HHAT: variants seen among roughly 807,000 people sequenced by gnomAD.
HHAT encodes protein-cysteine N-palmitoyltransferase HHAT.
HHAT carries 47 observed loss-of-function variants against 70.8 expected under a neutral mutation model. The ratio of observed to expected loss-of-function variants is 0.66; its 90% confidence interval spans 0.53 to 0.85. The LOEUF (loss-of-function observed/expected upper bound fraction) is 0.85, where lower values mean the gene tolerates loss of function less well. Among genes scored for constraint, HHAT ranks in the 40% least tolerant of loss-of-function variants. HHAT has a pLI of 0.00. For missense variants in HHAT, 609 were observed against 604.8 expected (o/e 1.01, Z -0.07); for synonymous variants, 228 against 247.6 (o/e 0.92, Z 0.74).
chr1:210,648,398 G>A (rs78103729), intron 11 of HHAT, among the ~76,000 whole-genome samples: 4 of 152,332 alleles, frequency 2.6e-5, no homozygotes, highest in African/African-American at 9.6e-5. Flanking sequence ...TCAGCTGACG[G>A]AGACTTGAAG....
intron 9 of HHAT, among the ~76,000 whole-genome samples, chr1:210,558,913 G>A (rs1480909198): frequency 6.6e-6 from 1 of 152,124 alleles, no homozygotes; most frequent in Non-Finnish European, 1.5e-5. Flanking sequence ...TAATGATGAG[G>A]TCCTGTCTGG....
At position 210,329,084 on chromosome 1, in the gene HHAT, G is replaced by A. The variant is rs1286287201; in HGVS notation, c.-64G>A. On this transcript the variant is annotated 5_prime_UTR_variant, in exon 1 of 12. Coordinates refer to ENST00000261458, the MANE Select transcript of HHAT (RefSeq NM_018194.6). ...GGCGCGCGTGAACGTTGCCGTCGCC[G>A]CCGCCCGGGACAGCCCGGAGGTTGG... is the stretch of plus-strand genomic sequence containing the variant. 7.0e-6 allele frequency: 10 copies of A among 1,419,658 alleles called. No individual in the cohort carries two copies. The highest frequency in any genetic ancestry group is 1.5e-5 in the African/African-American group (1 of 67,618). 87.9% of individuals were successfully genotyped at this position (1,419,658 alleles called of 1,614,324 possible). A position where few individuals can be genotyped will look rare whatever the true frequency, so the allele number is the denominator to read the frequency against.
chr1:210,608,264 G>A (rs1400490031), intron 10 of HHAT, among the ~76,000 whole-genome samples: 1 of 152,126 alleles, frequency 6.6e-6, no homozygotes, highest in Non-Finnish European at 1.5e-5. Context: ...TCAACTGATT[G>A]TTTTTGTATG....
At chr1:210,451,041 C>A (rs1288013529) in intron 7 of HHAT, among the ~76,000 whole-genome samples, 1 of 143,472 alleles carries the variant, frequency 7.0e-6, no homozygotes, top group Non-Finnish European at 1.5e-5. Flanking sequence ...GAGCCGAGAT[C>A]ATGCCACTGC....
At chr1:210,344,289 A>T (rs2006025) in intron 1 of HHAT, among the ~76,000 whole-genome samples, 5 of 48,608 alleles carry the variant, frequency 1.0e-4, no homozygotes, top group Non-Finnish European at 1.7e-4. Context: ...TCATTGAAAC[A>T]ATGTTATTGT....
At chr1:210,522,180 T>C (rs771366745) in intron 9 of HHAT, among the ~76,000 whole-genome samples, 2 of 152,210 alleles carry the variant, frequency 1.3e-5, no homozygotes, top group Non-Finnish European at 2.9e-5. Context: ...AAAGTGTGTG[T>C]CTTTGTGGCC....
chr1:210,360,366 A>C (rs565607124), intron 2 of HHAT, among the ~76,000 whole-genome samples: 1 of 150,884 alleles, frequency 6.6e-6, no homozygotes, highest in Admixed American at 6.6e-5. Flanking sequence ...GCTGGAGTGC[A>C]ATGGTATGAT....
intron 8 of HHAT, among the ~76,000 whole-genome samples, chr1:210,504,181 G>A (rs111804347): frequency 0.013 from 1,907 of 152,286 alleles, 35 homozygotes; most frequent in African/African-American, 0.043. Flanking sequence ...GTTCATTGCT[G>A]TATCCTAAGC....
chr1:210,443,771 T>A (rs183122810), intron 7 of HHAT, among the ~76,000 whole-genome samples: 774 of 11,828 alleles, frequency 0.065, 57 homozygotes, highest in Middle Eastern at 0.16. Context: ...TTTCTAGATA[T>A]ACAATCATGT....
chr1:210,581,499 GAGGTC>G lies in HHAT; in HGVS notation c.1044-6397_1044-6393del, dbSNP rs535589492. On this transcript the variant is annotated intron_variant, in intron 9 of 11. Coordinates refer to ENST00000261458, the MANE Select transcript of HHAT (RefSeq NM_018194.6). ...CTCAGGGCCCAGATGGAGCCAAGGT[GAGGTC>G]ACCTCACCACCAGTGTAACATGGAC... Among the ~76,000 whole-genome samples the G allele has an allele frequency of 2.7e-3, 418 of 152,334 alleles. 1 individual carries two copies. Among genetic ancestry groups the G allele is most frequent in the African/African-American group, 9.6e-3 (398 of 41,572 alleles).
intron 11 of HHAT, among the ~76,000 whole-genome samples, chr1:210,630,333 C>T (rs911758825): frequency 1.3e-5 from 2 of 152,144 alleles, no homozygotes; most frequent in African/African-American, 4.8e-5. Context: ...CTCAGCCTAC[C>T]GCAGCATGCT....
rs538527714 is a variant in HHAT, at chr1:210,675,882, G to A, written c.*1503G>A. The A allele has an allele frequency of 1.8e-4, 28 of 152,346 alleles. No homozygotes were observed. The highest frequency in any genetic ancestry group is 6.7e-4 in the African/African-American group (28 of 41,560). 9.4% of individuals were successfully genotyped at this position (152,346 alleles called of 1,614,324 possible). On this transcript the variant is annotated 3_prime_UTR_variant, in exon 12 of 12. Transcript: ENST00000261458. ...TGGTAAAGGAGAGAGAGAGACATGG[G>A]GCCAGTAATTCCGGGGTGCTCAGAA... is the stretch of plus-strand genomic sequence containing the variant.
intron 1 of HHAT, among the ~76,000 whole-genome samples, chr1:210,344,405 G>T (rs1379281372): frequency 6.6e-6 from 1 of 152,098 alleles, no homozygotes; most frequent in Non-Finnish European, 1.5e-5. Context: ...TGGGTACTTG[G>T]TTTCCTCCCA....
intron 1 of HHAT, among the ~76,000 whole-genome samples, chr1:210,346,442 A>C (rs897208742): frequency 1.3e-5 from 2 of 152,238 alleles, no homozygotes; most frequent in African/African-American, 4.8e-5. Context: ...TGTTATTCTA[A>C]AGATGAAAGT....
intron 6 of HHAT, among the ~76,000 whole-genome samples, chr1:210,407,292 C>T (rs559484204): frequency 9.2e-5 from 14 of 152,342 alleles, no homozygotes; most frequent in South Asian, 4.1e-4. Flanking sequence ...TGAATGCATG[C>T]ATGAAATGCC....
At chr1:210,626,264 C>T (rs1009978960) in intron 11 of HHAT, among the ~76,000 whole-genome samples, 1 of 152,188 alleles carries the variant, frequency 6.6e-6, no homozygotes. Context: ...GAGTTAACCT[C>T]AGTCACATGG....
At chr1:210,362,763 A>G (rs1357734831) in intron 2 of HHAT, 89 bp from the exon 3 acceptor site, 10 of 1,047,728 alleles carry the variant, frequency 9.5e-6, no homozygotes, top group Admixed American at 1.8e-5. Context: ...TTTCCAGGAC[A>G]TAGTCCAATT....
rs2095511096 is a variant in HHAT at position 210,549,506 on chromosome 1, T to C, written c.1043+36318T>C. On this transcript the variant is annotated intron_variant, in intron 9 of 11. Transcript: ENST00000261458. ...GTGCAAAGGGGTGAGAATCCATAGT[T>C]CTAGTCAGTCAGTGCTCAAAGGCCA... is the stretch of plus-strand genomic sequence containing the variant. Among the ~76,000 whole-genome samples the C allele has an allele frequency of 2.0e-5, 3 of 148,580 alleles. No individual in the cohort carries two copies. The South Asian group carries it at 6.5e-4, about 32-fold the overall frequency.
intron 9 of HHAT, among the ~76,000 whole-genome samples, chr1:210,571,047 C>T (rs973625866): frequency 6.6e-6 from 1 of 152,188 alleles, no homozygotes; most frequent in Admixed American, 6.5e-5. Context: ...CTCCTGGCCT[C>T]GGCCGTCGAA....
Sources: allele counts gnomAD v4.1 joint callset (sites outside exome capture counted in the v4.1 genomes callset), GRCh38; gene constraint gnomAD v4.1.1; transcripts MANE v1.5; gene names NCBI Gene and HGNC (gene_info 2026-07-23, HGNC 2026-07-21).